The following RAB3IP variants were observed in gnomAD, a reference collection of about 807,000 sequenced individuals.
RAB3IP encodes the protein rab-3A-interacting protein.
In RAB3IP, 36 loss-of-function variants were observed where a neutral mutation model predicts 59.1. The observed-to-expected ratio is 0.61, with a 90% CI of 0.47 to 0.80. The LOEUF is 0.80. Among genes scored for constraint, RAB3IP ranks in the 30% least tolerant of loss-of-function variants. The pLI is 0.00. For synonymous variants in RAB3IP, 207 were observed against 191.2 expected (o/e 1.08, Z -0.68); for missense variants, 511 against 536.0 (o/e 0.95, Z 0.46).
intron 4 of RAB3IP, among the ~76,000 whole-genome samples, chr12:69,785,830 T>G (rs1158359687): frequency 6.6e-6 from 1 of 152,206 alleles, no homozygotes; most frequent in African/African-American, 2.4e-5. Context: ...AGAAAAGTGC[T>G]GGTAATACCC....
At chr12:69,750,586 T>C (rs1372087512) in intron 1 of RAB3IP, among the ~76,000 whole-genome samples, 4 of 148,850 alleles carry the variant, frequency 2.7e-5, no homozygotes, top group Non-Finnish European at 5.9e-5. Flanking sequence ...AAAAACCAAG[T>C]AGTTTGTTTA....
chr12:69,814,064 C>A (rs997887941), intron 10 of RAB3IP, among the ~76,000 whole-genome samples: 1 of 152,128 alleles, frequency 6.6e-6, no homozygotes, highest in Non-Finnish European at 1.5e-5. Flanking sequence ...AACATAAAAA[C>A]AGTCTTTAAA....
At chr12:69,765,342 C>T (rs1055644724) in intron 3 of RAB3IP, among the ~76,000 whole-genome samples, 20 of 152,086 alleles carry the variant, frequency 1.3e-4, no homozygotes, top group Admixed American at 6.6e-5. Context: ...GCGTTTTTAT[C>T]GTGAAAGGAT....
intron 3 of RAB3IP, chr12:69,779,148 G>A (rs1389657335): frequency 7.4e-6 from 1 of 136,014 alleles, no homozygotes; most frequent in Admixed American, 7.6e-5. Context: ...TCTGAAAAGC[G>A]CAATATTCGG....
At chr12:69,762,555 A>C (rs988141776) in intron 3 of RAB3IP, among the ~76,000 whole-genome samples, 1 of 152,072 alleles carries the variant, frequency 6.6e-6, no homozygotes, top group African/African-American at 2.4e-5. Flanking sequence ...TAGGAGATCG[A>C]GACCATCCTG....
chr12:69,796,532 T>C (rs1877458962), intron 6 of RAB3IP: 1 of 490,580 alleles, frequency 2.0e-6, no homozygotes, highest in Non-Finnish European at 3.6e-6. Context: ...AAGAAATGTG[T>C]GTGCTTGTTA....
intron 1 of RAB3IP, among the ~76,000 whole-genome samples, chr12:69,743,956 AT>A (rs1887595184): frequency 6.6e-6 from 1 of 152,214 alleles, no homozygotes; most frequent in African/African-American, 2.4e-5. Flanking sequence ...TGAAGCTTCC[AT>A]TATTGAGAAA....
chr12:69,750,999 A>G (rs1869192126), intron 1 of RAB3IP, among the ~76,000 whole-genome samples: 1 of 152,160 alleles, frequency 6.6e-6, no homozygotes, highest in South Asian at 2.1e-4. Context: ...GAATTCTGCT[A>G]AAAAGAACTT....
intron 1 of RAB3IP, among the ~76,000 whole-genome samples, chr12:69,747,887 C>T (rs925678668): frequency 3.3e-5 from 5 of 152,150 alleles, no homozygotes; most frequent in African/African-American, 1.2e-4. Flanking sequence ...GATCAGGAGC[C>T]TTAGCTTTCT....
At chr12:69,809,991 C>T (rs145664832) in intron 8 of RAB3IP, among the ~76,000 whole-genome samples, 6,681 of 152,088 alleles carry the variant, frequency 0.044, 150 homozygotes, top group Non-Finnish European at 0.048. Context: ...TTAGAGTTTC[C>T]GGTTTTTCTG....
chr12:69,795,467 G>A, intron 6 of RAB3IP, 123 bp downstream of exon 6: 1 of 751,142 alleles, frequency 1.3e-6, no homozygotes, highest in Non-Finnish European at 2.3e-6. Flanking sequence ...ATTAAGATGG[G>A]GGAGGCTTTA....
At chr12:69,772,432 T>C (rs982464193) in intron 3 of RAB3IP, among the ~76,000 whole-genome samples, 1 of 152,202 alleles carries the variant, frequency 6.6e-6, no homozygotes, top group Non-Finnish European at 1.5e-5. Flanking sequence ...AGTAAAGACA[T>C]ACTACTGCAA....
intron 4 of RAB3IP, among the ~76,000 whole-genome samples, chr12:69,792,591 T>A (rs1459686535): frequency 1.3e-5 from 2 of 152,198 alleles, no homozygotes; most frequent in Non-Finnish European, 2.9e-5. Flanking sequence ...CAAACTTTTT[T>A]TGAGTCTACC....
chr12:69,802,984 AC>A (rs1456455093), intron 8 of RAB3IP, among the ~76,000 whole-genome samples: 2 of 152,090 alleles, frequency 1.3e-5, no homozygotes, highest in Non-Finnish European at 2.9e-5. Flanking sequence ...TGATCCTTCC[AC>A]CCCAAATATG....
chr12:69,739,578 G>A, intron 1 of RAB3IP: 3 of 558,990 alleles, frequency 5.4e-6, no homozygotes, highest in Non-Finnish European at 9.6e-6. Flanking sequence ...GAGGCACCGT[G>A]CTGAGGCGTA....
rs77388853 is a variant in RAB3IP, at chr12:69,793,050, G to A, written c.607-1387G>A. On this transcript the variant is annotated intron_variant, in intron 4 of 10. Coordinates refer to ENST00000247833, the MANE Select transcript of RAB3IP (RefSeq NM_022456.5). ...CTGTGTTTATTATTTTTAAAACATT[G>A]CCAGATAGTTTTGTGTTGACAGCCA... Among the ~76,000 whole-genome samples the A allele has an allele frequency of 5.9e-3, 900 of 151,826 alleles. 10 individuals are homozygous for A. Among genetic ancestry groups the A allele is most frequent in the African/African-American group, 0.021 (858 of 41,200 alleles).
chr12:69,810,933 G>T (rs1880350228), intron 8 of RAB3IP, among the ~76,000 whole-genome samples: 1 of 152,168 alleles, frequency 6.6e-6, no homozygotes, highest in Admixed American at 6.5e-5. Context: ...GGAGGTCAGA[G>T]GTCTGTTTGC....
chr12:69,753,358 A>AT (rs546034434), intron 1 of RAB3IP, among the ~76,000 whole-genome samples: 74 of 151,932 alleles, frequency 4.9e-4, no homozygotes, highest in African/African-American at 1.4e-3. Context: ...TTGGTTTGGC[A>AT]TTTTTTTTAT....
intron 8 of RAB3IP, chr12:69,812,262 G>C (rs1248948117): frequency 6.6e-6 from 1 of 152,336 alleles, no homozygotes; most frequent in African/African-American, 2.4e-5. Context: ...TTAAGATTCA[G>C]TATTTTTATA....
Sources: allele counts gnomAD v4.1 joint callset (sites outside exome capture counted in the v4.1 genomes callset), GRCh38; gene constraint gnomAD v4.1.1; transcripts MANE v1.5; gene names NCBI Gene and HGNC (gene_info 2026-07-23, HGNC 2026-07-21).